Variants in TSHZ2 observed in about 807,000 individuals in gnomAD.
TSHZ2 encodes the protein teashirt zinc finger homeobox 2.
A neutral mutation model predicts 74.4 loss-of-function variants in TSHZ2; 21 were observed. The observed-to-expected ratio is 0.28, with a 90% CI of 0.20 to 0.41. The LOEUF (loss-of-function observed/expected upper bound fraction) is 0.41, where lower values mean the gene tolerates loss of function less well. Ranked by LOEUF, TSHZ2 falls within the 10% of genes least tolerant of loss-of-function variation. The pLI, the probability that TSHZ2 is intolerant of heterozygous loss-of-function variation, is 1.00. For missense variants in TSHZ2, 1,244 were observed against 1,293.5 expected (o/e 0.96, Z 0.59); for synonymous variants, 540 against 515.3 (o/e 1.05, Z -0.65).
chr20:53,021,602 ATC>A (rs978631031), intron 1 of TSHZ2, among the ~76,000 whole-genome samples: 1 of 152,186 alleles, frequency 6.6e-6, no homozygotes, highest in African/African-American at 2.4e-5. Flanking sequence ...ATAAATATGC[ATC>A]TCTGTTTTTT....
chr20:53,199,161 A>G (rs1380113732), intron 1 of TSHZ2, among the ~76,000 whole-genome samples: 1 of 152,246 alleles, frequency 6.6e-6, no homozygotes, highest in Non-Finnish European at 1.5e-5. Flanking sequence ...ATTAAATGTT[A>G]GTTTGTAGAA....
At chr20:53,384,861 G>T (rs156625) in intron 2 of TSHZ2, among the ~76,000 whole-genome samples, 2 of 152,144 alleles carry the variant, frequency 1.3e-5, no homozygotes, top group South Asian at 4.1e-4. Flanking sequence ...GGTGGCTCAC[G>T]CCTGTAATCC....
chr20:53,451,736 TATA>T (rs999473089), intron 2 of TSHZ2, among the ~76,000 whole-genome samples: 18 of 152,334 alleles, frequency 1.2e-4, no homozygotes, highest in South Asian at 6.2e-4. Flanking sequence ...TTCCCTCCAT[TATA>T]ATATTTTTAT....
chr20:53,140,539 C>CAAAAA (rs34045440), intron 1 of TSHZ2, among the ~76,000 whole-genome samples: 3 of 79,784 alleles, frequency 3.8e-5, no homozygotes, highest in African/African-American at 9.7e-5. Flanking sequence ...GACTCCGTCT[C>CAAAAA]AAAAAAAAAA....
chr20:53,468,600 A>T (rs1985631313), intron 2 of TSHZ2, among the ~76,000 whole-genome samples: 2 of 148,982 alleles, frequency 1.3e-5, no homozygotes, highest in Admixed American at 1.4e-4. Context: ...GCAAAAGGGG[A>T]CTTGCCGTAA....
At chr20:53,075,629 G>T (rs991903028) in intron 1 of TSHZ2, among the ~76,000 whole-genome samples, 5 of 152,238 alleles carry the variant, frequency 3.3e-5, no homozygotes, top group African/African-American at 1.2e-4. Flanking sequence ...AAGGCAGCAG[G>T]ACAGGTGAGA....
intron 2 of TSHZ2, among the ~76,000 whole-genome samples, chr20:53,314,193 C>G (rs1247075124): frequency 6.6e-6 from 1 of 150,788 alleles, no homozygotes; most frequent in Non-Finnish European, 1.5e-5. Context: ...GAGGCTGAAA[C>G]AAGAGAATCG....
intron 2 of TSHZ2, among the ~76,000 whole-genome samples, chr20:53,320,577 T>A (rs759292256): frequency 6.6e-6 from 1 of 152,186 alleles, no homozygotes; most frequent in Admixed American, 6.5e-5. Flanking sequence ...ATCAAAATCC[T>A]TTCTAGAAGT....
chr20:53,371,612 A>G (rs1981473001), intron 2 of TSHZ2, among the ~76,000 whole-genome samples: 1 of 152,202 alleles, frequency 6.6e-6, no homozygotes, highest in South Asian at 2.1e-4. Flanking sequence ...GGGGTGGCTC[A>G]CGCCTATAAT....
intron 2 of TSHZ2, among the ~76,000 whole-genome samples, chr20:53,358,723 G>A (rs80328750): frequency 1.8e-4 from 27 of 152,196 alleles, no homozygotes; most frequent in African/African-American, 5.3e-4. Flanking sequence ...AAAATAAAAT[G>A]GCAAGTTAGA....
At chr20:52,998,048 T>C (rs936345928) in intron 1 of TSHZ2, among the ~76,000 whole-genome samples, 2 of 152,156 alleles carry the variant, frequency 1.3e-5, no homozygotes, top group Non-Finnish European at 2.9e-5. Context: ...CACGTTGAGA[T>C]TTTTAGAAGA....
At chr20:53,421,681 G>GTTTTTTTTTTTTTTTTTTTTTTT (rs34083391) in intron 2 of TSHZ2, 2 of 85,578 alleles carry the variant, frequency 2.3e-5, no homozygotes, top group African/African-American at 1.1e-4. Flanking sequence ...TATGTTTTTG[G>GTTTTTTTTTTTTTTTTTTTTTTT]TTTTTTTTTT....
chr20:53,456,607 G>A (rs1475044823), intron 2 of TSHZ2, among the ~76,000 whole-genome samples: 1 of 131,468 alleles, frequency 7.6e-6, no homozygotes, highest in South Asian at 2.7e-4. Context: ...TTTGCTTTTG[G>A]TGTTTTAGAC....
intron 1 of TSHZ2, among the ~76,000 whole-genome samples, chr20:53,114,484 G>C (rs528671819): frequency 6.6e-6 from 1 of 152,154 alleles, no homozygotes; most frequent in Non-Finnish European, 1.5e-5. Flanking sequence ...AAACTATTCC[G>C]TATACAGTAA....
In TSHZ2 at chr20:53,155,149, G is replaced by T. The variant is rs76356143; in HGVS notation, c.41-98350G>T. ...TTTCCTGAGTGCTTCCATGAGGACT[G>T]CGTGGGTAGCTCACCTGTGATTCTG... On this transcript the variant is annotated intron_variant, in intron 1 of 2. Coordinates refer to ENST00000371497, the MANE Select transcript of TSHZ2 (RefSeq NM_173485.6). Among the ~76,000 whole-genome samples, 1,358 of 149,858 alleles carry T rather than the reference G, an allele frequency of 9.1e-3. 17 individuals carry two copies. Among genetic ancestry groups the T allele is most frequent in the African/African-American group, 0.032 (1,306 of 40,662 alleles).
Position 52,973,267 on chromosome 20 carries a change from A to G in TSHZ2, c.-27A>G, listed in dbSNP as rs1981197598. 1.9e-6 allele frequency: 3 copies of G among 1,551,950 alleles called. No homozygotes were observed. Among genetic ancestry groups the G allele is most frequent in the Non-Finnish European group, 2.6e-6 (3 of 1,147,090 alleles). On this transcript the variant is annotated 5_prime_UTR_variant, in exon 1 of 3. Transcript: ENST00000371497. Reference sequence around the variant, plus strand: ...GCGCGCGGCTCGGGGCTGGGGCGCCAGAAGTGGGACTGGAGCGAAGTAGAG... The same window carrying G: ...GCGCGCGGCTCGGGGCTGGGGCGCCGGAAGTGGGACTGGAGCGAAGTAGAG...
At chr20:53,454,849 G>C (rs1357905726) in intron 2 of TSHZ2, among the ~76,000 whole-genome samples, 1 of 152,124 alleles carries the variant, frequency 6.6e-6, no homozygotes, top group Non-Finnish European at 1.5e-5. Flanking sequence ...AGGCCTTGCA[G>C]ACAGTATCAA....
intron 2 of TSHZ2, among the ~76,000 whole-genome samples, chr20:53,436,538 TATTATTATTA>T (rs369680641): frequency 4.2e-5 from 4 of 94,600 alleles, no homozygotes; most frequent in African/African-American, 8.9e-5. Context: ...TTATTATTAT[TATTATTATTA>T]TTTTTTTTTT....
chr20:53,091,520 T>C (rs73140227), intron 1 of TSHZ2, among the ~76,000 whole-genome samples: 2,241 of 152,338 alleles, frequency 0.015, 25 homozygotes, highest in Non-Finnish European at 0.02. Flanking sequence ...TATATTCTGA[T>C]TTTGCTCATT....
Sources: allele counts gnomAD v4.1 joint callset (sites outside exome capture counted in the v4.1 genomes callset), GRCh38; gene constraint gnomAD v4.1.1; transcripts MANE v1.5; gene names NCBI Gene and HGNC (gene_info 2026-07-23, HGNC 2026-07-21).